The following ADAM7 variants were observed in gnomAD, a reference collection of about 807,000 sequenced individuals.
ADAM7 encodes disintegrin and metalloproteinase domain-containing protein 7.
ADAM7 carries 97 observed loss-of-function variants against 102.9 expected under a neutral mutation model. The observed-to-expected ratio is 0.94, with a 90% CI of 0.80 to 1.12. The LOEUF (loss-of-function observed/expected upper bound fraction) is 1.12. Among genes scored for constraint, ADAM7 ranks in the 50% most tolerant of loss-of-function variants. The pLI, the probability that ADAM7 is intolerant of heterozygous loss-of-function variation, is 0.00. For missense variants in ADAM7, 991 were observed against 908.7 expected, an observed-to-expected ratio of 1.09 and a Z score of -1.16; for synonymous variants, 334 against 304.4, an observed-to-expected ratio of 1.10 and a Z score of -1.01.
At chr8:24,457,940 T>A (rs1714681556) in intron 3 of ADAM7, among the ~76,000 whole-genome samples, 1 of 151,912 alleles carries the variant, frequency 6.6e-6, no homozygotes, top group African/African-American at 2.4e-5. Flanking sequence ...TTATAGGCAA[T>A]TATTCCAGTC....
intron 20 of ADAM7, among the ~76,000 whole-genome samples, chr8:24,506,618 C>T (rs947001020): frequency 6.6e-6 from 1 of 152,056 alleles, no homozygotes; most frequent in Non-Finnish European, 1.5e-5. Context: ...TTCAGTGAGT[C>T]CTTGATCAGC....
At position 24,441,075 on chromosome 8, in the gene ADAM7, G is replaced by C; in HGVS notation, c.-34G>C. The C allele has an allele frequency of 6.3e-7, 1 of 1,597,772 alleles. No individual in the cohort carries two copies. Among genetic ancestry groups the C allele is most frequent in the Non-Finnish European group, 8.6e-7 (1 of 1,165,476 alleles). On this transcript the variant is annotated 5_prime_UTR_variant, in exon 1 of 22. Transcript: ENST00000175238. ...AAGAAAGGTGAACTCCTTTTCTCAA[G>C]CACTTCTGCTCTCCTCTACCAGAAT...
At chr8:24,478,103 C>G (rs1245220648) in intron 8 of ADAM7, among the ~76,000 whole-genome samples, 1 of 152,106 alleles carries the variant, frequency 6.6e-6, no homozygotes, top group Non-Finnish European at 1.5e-5. Context: ...TTTTTGTAGG[C>G]AGGAAGTCTG....
intron 5 of ADAM7, 147 bp from the exon 6 acceptor site, chr8:24,466,652 T>C (rs1374230536): frequency 1.5e-6 from 1 of 648,650 alleles, no homozygotes; most frequent in Non-Finnish European, 2.6e-6. Context: ...CCTCATATCA[T>C]CACATTTCCT....
At chr8:24,446,425 A>G (rs2129372743) in intron 2 of ADAM7, among the ~76,000 whole-genome samples, 2 of 152,290 alleles carry the variant, frequency 1.3e-5, no homozygotes, top group South Asian at 4.1e-4. Context: ...ATTGATGGTG[A>G]GGTTCTAAAC....
At chr8:24,487,640 A>G (rs1820189425) in intron 11 of ADAM7, among the ~76,000 whole-genome samples, 1 of 151,980 alleles carries the variant, frequency 6.6e-6, no homozygotes, top group Non-Finnish European at 1.5e-5. Flanking sequence ...CATCTCAAAA[A>G]AAAAAAGAAA....
intron 8 of ADAM7, among the ~76,000 whole-genome samples, chr8:24,478,989 G>C (rs1042843514): frequency 1.3e-5 from 2 of 152,128 alleles, no homozygotes; most frequent in African/African-American, 4.8e-5. Flanking sequence ...TATTCATCTA[G>C]TGTTACTTTG....
intron 12 of ADAM7, among the ~76,000 whole-genome samples, chr8:24,489,761 G>C (rs186991605): frequency 1.8e-4 from 27 of 152,226 alleles, no homozygotes; most frequent in Non-Finnish European, 3.8e-4. Flanking sequence ...TTTCTTAATA[G>C]AGCAGAAACC....
At chr8:24,471,088 AG>A (rs759543434) in intron 7 of ADAM7, among the ~76,000 whole-genome samples, 6 of 152,118 alleles carry the variant, frequency 3.9e-5, no homozygotes, top group Non-Finnish European at 7.4e-5. Context: ...TAACAAAAAA[AG>A]TTTGAAAAGT....
At chr8:24,450,863 T>C (rs1011148437) in intron 3 of ADAM7, among the ~76,000 whole-genome samples, 3 of 152,106 alleles carry the variant, frequency 2.0e-5, no homozygotes, top group Non-Finnish European at 2.9e-5. Flanking sequence ...GCATGAAGGG[T>C]TGTTGAATTT....
chr8:24,493,297 T>A, intron 16 of ADAM7, 68 bp downstream of exon 16: 4 of 1,364,926 alleles, frequency 2.9e-6, no homozygotes, highest in Non-Finnish European at 2.9e-6. Flanking sequence ...TACTGGATAC[T>A]GTAATTGCTT....
chr8:24,462,633 A>G (rs1819283843), intron 3 of ADAM7, among the ~76,000 whole-genome samples: 1 of 151,976 alleles, frequency 6.6e-6, no homozygotes. Context: ...CTTTTTATGT[A>G]TTATCCAGAA....
chr8:24,487,249 T>A lies in ADAM7; in HGVS notation c.1023T>A (p.Leu341=). ...NRMAHQLGHN[L]GMQHDEFPCT... is the part of the protein sequence containing the mutation. ...TGGCACATCAACTGGGGCATAACCT[T>A]GGGATGCAGCATGACGAGTTCCCAT... The change falls in exon 11 of 22, where the codon CTT becomes CTA. Residue 341 remains leucine (L), a synonymous_variant. Transcript: ENST00000175238. The A allele has an allele frequency of 6.2e-7, 1 of 1,613,924 alleles. No homozygotes were observed. Among genetic ancestry groups the A allele is most frequent in the Non-Finnish European group, 8.5e-7 (1 of 1,179,894 alleles).
At chr8:24,454,402 T>C (rs1402452674) in intron 3 of ADAM7, among the ~76,000 whole-genome samples, 1 of 152,204 alleles carries the variant, frequency 6.6e-6, no homozygotes, top group Non-Finnish European at 1.5e-5. Flanking sequence ...CAGTTTGATC[T>C]CAGACTGCTG....
chr8:24,504,494 C>A (rs1301850511), intron 20 of ADAM7, among the ~76,000 whole-genome samples: 5 of 151,960 alleles, frequency 3.3e-5, no homozygotes, highest in Admixed American at 1.3e-4. Context: ...AAGATTATCT[C>A]TTTAAAATGA....
chr8:24,455,455 T>G (rs1321506148), intron 3 of ADAM7, among the ~76,000 whole-genome samples: 4 of 152,212 alleles, frequency 2.6e-5, no homozygotes. Flanking sequence ...CAGGCTAGAG[T>G]GCAGTGGCAC....
intron 3 of ADAM7, among the ~76,000 whole-genome samples, chr8:24,452,743 C>T (rs1187857972): frequency 2.0e-5 from 3 of 151,608 alleles, no homozygotes; most frequent in Non-Finnish European, 4.4e-5. Context: ...TTCTTCCTAG[C>T]CTCGATGGTC....
At chr8:24,452,405 T>C (rs1298657580) in intron 3 of ADAM7, among the ~76,000 whole-genome samples, 2 of 148,814 alleles carry the variant, frequency 1.3e-5, no homozygotes, top group African/African-American at 4.9e-5. Flanking sequence ...CATTATGTAA[T>C]GGCCTTCTTT....
intron 12 of ADAM7, 108 bp from the exon 13 acceptor site, chr8:24,490,691 A>G: frequency 3.8e-6 from 4 of 1,051,316 alleles, no homozygotes; most frequent in Non-Finnish European, 5.7e-6. Context: ...ACAATCATGC[A>G]TCACTATTTA....
Sources: allele counts gnomAD v4.1 joint callset (sites outside exome capture counted in the v4.1 genomes callset), GRCh38; gene constraint gnomAD v4.1.1; transcripts MANE v1.5; gene names NCBI Gene and HGNC (gene_info 2026-07-23, HGNC 2026-07-21).